PUM2: variants seen among roughly 807,000 people sequenced by gnomAD.
PUM2 encodes the protein pumilio homolog 2.
PUM2 carries 57 observed loss-of-function variants against 124.5 expected under a neutral mutation model. The ratio of observed to expected loss-of-function variants is 0.46; its 90% CI spans 0.37 to 0.57. The LOEUF (loss-of-function observed/expected upper bound fraction) is 0.57. Among genes scored for constraint, PUM2 ranks in the 20% least tolerant of loss-of-function variants. PUM2 has a pLI of 0.00. For synonymous variants in PUM2, 460 were observed against 446.1 expected, an observed-to-expected ratio of 1.03 and a Z score of -0.39; for missense variants, 1,065 against 1,290.6, an observed-to-expected ratio of 0.83 and a Z score of 2.68.
intron 1 of PUM2, among the ~76,000 whole-genome samples, chr2:20,328,695 C>G (rs1429443060): frequency 6.6e-6 from 1 of 152,044 alleles, no homozygotes; most frequent in Non-Finnish European, 1.5e-5. Flanking sequence ...ACTGGATGCA[C>G]TTAGCAGATT....
chr2:20,324,940 A>T (rs570634676), intron 2 of PUM2, among the ~76,000 whole-genome samples: 4 of 135,302 alleles, frequency 3.0e-5, no homozygotes, highest in African/African-American at 1.2e-4. Context: ...TTTTGCATTA[A>T]AAAAAAAAAA....
rs1003963869 is a variant in PUM2, at chr2:20,307,979, T to C, written c.882A>G (p.Ile294Met). 6.2e-7 allele frequency: 1 copy of C among 1,613,236 alleles called. No individual in the cohort carries two copies. The highest frequency in any genetic ancestry group is 8.5e-7 in the Non-Finnish European group (1 of 1,179,342). ...YALAAAQQPH[I>M]AGVFSAGLAP... ...AAATGAGAACGTATGAAGACTCACCTATATGTGGCTGCTGAGCTGCTGCTA... is the reference window on the plus strand; with the variant it reads ...AAATGAGAACGTATGAAGACTCACCCATATGTGGCTGCTGAGCTGCTGCTA... The change falls in exon 7 of 21, where the codon ATA becomes ATG. Residue 294 changes from isoleucine (I) to methionine (M), a missense_variant and splice_region_variant. Transcript: ENST00000361078.
At chr2:20,276,301 G>A (rs1166282042) in intron 13 of PUM2, among the ~76,000 whole-genome samples, 1 of 144,478 alleles carries the variant, frequency 6.9e-6, no homozygotes, top group Non-Finnish European at 1.5e-5. Context: ...TGTTGCTACT[G>A]GGCATTTTCT....
chr2:20,311,452 T>G (rs1679579925), intron 5 of PUM2, 42 bp downstream of exon 5: 1 of 1,552,028 alleles, frequency 6.4e-7, no homozygotes, highest in African/African-American at 1.4e-5. Context: ...TAATAATCCC[T>G]AAAAAGATAC....
At chr2:20,283,546 T>C in intron 10 of PUM2, 60 bp from the exon 11 acceptor site, 1 of 1,503,780 alleles carries the variant, frequency 6.6e-7, no homozygotes, top group South Asian at 1.2e-5. Flanking sequence ...CATATTTGTT[T>C]TTCCCTGCAT....
At chr2:20,258,393 T>C in intron 15 of PUM2, 22 bp from the exon 16 acceptor site, 1 of 1,607,042 alleles carries the variant, frequency 6.2e-7, no homozygotes, top group South Asian at 1.1e-5. Context: ...GATATAACAT[T>C]AATAACAAGT....
intron 1 of PUM2, among the ~76,000 whole-genome samples, chr2:20,343,420 A>T (rs1195069514): frequency 6.6e-6 from 1 of 151,970 alleles, no homozygotes; most frequent in Admixed American, 6.6e-5. Context: ...GCCTCAAATT[A>T]AAAAAAAGTT....
intron 3 of PUM2, among the ~76,000 whole-genome samples, chr2:20,318,034 T>G (rs1252861898): frequency 6.6e-6 from 1 of 152,214 alleles, no homozygotes; most frequent in Non-Finnish European, 1.5e-5. Flanking sequence ...CAATTTATAT[T>G]CCTTGGGGTA....
At position 20,263,256 on chromosome 2, in the gene PUM2, T is replaced by C. The variant is rs1334984468; in HGVS notation, c.2162A>G (p.Asn721Ser). Residue 721 changes from asparagine (N) to serine (S), a missense_variant, in exon 14 of 21, where the codon AAC (asparagine) becomes AGC (serine). Asn to Ser is a conservative substitution (Grantham distance 46, BLOSUM62 1). Around this residue, in one of 3 missense-constraint regions of PUM2, gnomAD observed 968 missense variants for 1,159.8 expected, o/e 0.83. Coordinates refer to ENST00000361078, the MANE Select transcript of PUM2 (RefSeq NM_015317.5). ...TCCAATCAAGTCTCTAAGCTGAAGG[T>C]TTGGGAAGCGGTTGTTTCTGAAATC... ...LEDFRNNRFP[N>S]LQLRDLIGHI... 5 of 1,610,008 alleles carry C rather than the reference T, an allele frequency of 3.1e-6. No homozygotes were observed. The South Asian group carries it at 5.5e-5, about 18-fold the overall frequency.
At chr2:20,349,215 T>TA (rs1688832295) in intron 1 of PUM2, among the ~76,000 whole-genome samples, 1 of 152,244 alleles carries the variant, frequency 6.6e-6, no homozygotes, top group South Asian at 2.1e-4. Context: ...CTGGCAATTA[T>TA]AACTCAAAAT....
At chr2:20,277,927 G>A (rs1289222091) in intron 13 of PUM2, among the ~76,000 whole-genome samples, 1 of 152,040 alleles carries the variant, frequency 6.6e-6, no homozygotes, top group Non-Finnish European at 1.5e-5. Context: ...ACTTCCTGGA[G>A]AGGGAAAAAA....
intron 7 of PUM2, among the ~76,000 whole-genome samples, chr2:20,300,349 A>C (rs1478047424): frequency 6.6e-6 from 1 of 151,992 alleles, no homozygotes; most frequent in African/African-American, 2.4e-5. Flanking sequence ...GGGTTTCTCC[A>C]TGTTGGTCAG....
chr2:20,249,038 T>C lies in PUM2; in HGVS notation c.*2547A>G, dbSNP rs1021023735. Reference sequence around the variant, plus strand: ...ACTGTAAAATTTCTACAAGAACAGGTACTTTTGTAGAGCAGGCCTGAAAGT... The same window carrying C: ...ACTGTAAAATTTCTACAAGAACAGGCACTTTTGTAGAGCAGGCCTGAAAGT... On this transcript the variant is annotated 3_prime_UTR_variant, in exon 21 of 21. Transcript: ENST00000361078. 3 of 152,248 alleles carry C rather than the reference T, an allele frequency of 2.0e-5. No individual in the cohort carries two copies. The highest frequency in any genetic ancestry group is 6.5e-5 in the Admixed American group (1 of 15,282). The allele number at this position is 152,248 out of a possible 1,614,324, so 9.4% of individuals were successfully genotyped here. A position where few individuals can be genotyped will look rare whatever the true frequency, so the allele number is the denominator to read the frequency against.
intron 2 of PUM2, among the ~76,000 whole-genome samples, chr2:20,324,353 T>C (rs544192837): frequency 6.6e-6 from 1 of 152,324 alleles, no homozygotes; most frequent in Admixed American, 6.5e-5. Context: ...TTATATATTA[T>C]TGTGTTGGAA....
intron 16 of PUM2, among the ~76,000 whole-genome samples, chr2:20,256,808 G>A (rs1477470281): frequency 6.6e-6 from 1 of 152,070 alleles, no homozygotes; most frequent in Non-Finnish European, 1.5e-5. Flanking sequence ...CACTTTGGGA[G>A]CCTGAGGCTG....
At chr2:20,334,139 C>CA (rs1391796302) in intron 1 of PUM2, among the ~76,000 whole-genome samples, 5 of 151,854 alleles carry the variant, frequency 3.3e-5, no homozygotes, top group South Asian at 4.2e-4. Flanking sequence ...CCTGTTTCTA[C>CA]AAAAAAAATT....
chr2:20,264,641 T>C (rs997959425), intron 13 of PUM2, among the ~76,000 whole-genome samples: 1 of 151,976 alleles, frequency 6.6e-6, no homozygotes, highest in East Asian at 1.9e-4. Flanking sequence ...TAGATAGTTG[T>C]AAAATACACA....
chr2:20,329,691 T>C (rs73218107), intron 1 of PUM2, among the ~76,000 whole-genome samples: 5,467 of 152,164 alleles, frequency 0.036, 302 homozygotes, highest in African/African-American at 0.12. Flanking sequence ...AAACGGGTCT[T>C]AGGGTTACAG....
intron 1 of PUM2, among the ~76,000 whole-genome samples, chr2:20,337,306 T>C (rs939269269): frequency 1.3e-5 from 2 of 152,102 alleles, no homozygotes; most frequent in Non-Finnish European, 2.9e-5. Flanking sequence ...AGCAAGAGGA[T>C]TGGGTTTGTT....
Sources: allele counts gnomAD v4.1 joint callset (sites outside exome capture counted in the v4.1 genomes callset), GRCh38; gene constraint gnomAD v4.1.1; regional missense constraint gnomAD v4.1.1; transcripts MANE v1.5; gene names NCBI Gene and HGNC (gene_info 2026-07-23, HGNC 2026-07-21).